Variants in BAIAP2L1 observed in about 807,000 individuals in gnomAD.
BAIAP2L1 encodes the protein BAR/IMD domain containing adaptor protein 2 like 1.
Under a neutral mutation model 66.3 loss-of-function variants are expected in BAIAP2L1, and 35 were observed. The observed-to-expected ratio is 0.53, with a 90% CI of 0.40 to 0.70. The LOEUF (loss-of-function observed/expected upper bound fraction) is 0.70. BAIAP2L1 is among the 30% of genes least tolerant of loss of function. The pLI, the probability that BAIAP2L1 is intolerant of heterozygous loss-of-function variation, is 0.00. For missense variants in BAIAP2L1, 622 were observed against 656.9 expected (o/e 0.95, Z 0.58); for synonymous variants, 269 against 248.7 (o/e 1.08, Z -0.77).
intron 3 of BAIAP2L1, among the ~76,000 whole-genome samples, chr7:98,327,619 G>A (rs1584459817): frequency 6.6e-6 from 1 of 152,224 alleles, no homozygotes; most frequent in East Asian, 1.9e-4. Flanking sequence ...GTTGCAGTGA[G>A]CTGAGATTGC....
chr7:98,364,680 G>T (rs887065408), intron 1 of BAIAP2L1, among the ~76,000 whole-genome samples: 1 of 151,998 alleles, frequency 6.6e-6, no homozygotes, highest in East Asian at 1.9e-4. Flanking sequence ...ATTTTCCTTA[G>T]AATTTTTAAG....
chr7:98,294,263 G>C, intron 12 of BAIAP2L1, 152 bp from the exon 13 acceptor site: 1 of 724,338 alleles, frequency 1.4e-6, no homozygotes, highest in Non-Finnish European at 2.3e-6. Context: ...AATGTGCTGG[G>C]ACTACAGGTG....
intron 1 of BAIAP2L1, among the ~76,000 whole-genome samples, chr7:98,367,413 C>G (rs545954597): frequency 6.6e-6 from 1 of 152,178 alleles, no homozygotes; most frequent in South Asian, 2.1e-4. Flanking sequence ...CTCTGTTGCC[C>G]AGGTTGGAGT....
intron 9 of BAIAP2L1, chr7:98,309,670 T>C (rs1354864069): frequency 1.3e-5 from 2 of 152,248 alleles, no homozygotes; most frequent in Non-Finnish European, 2.9e-5. Flanking sequence ...CTTCACACGC[T>C]GTGGTCCAGG....
At chr7:98,294,509 G>A (rs911122273) in intron 12 of BAIAP2L1, among the ~76,000 whole-genome samples, 10 of 152,208 alleles carry the variant, frequency 6.6e-5, no homozygotes, top group African/African-American at 2.2e-4. Context: ...GATGTCGGGA[G>A]CTCACATGTG....
chr7:98,293,689 C>T, intron 13 of BAIAP2L1, 93 bp from the exon 14 acceptor site: 1 of 1,282,056 alleles, frequency 7.8e-7, no homozygotes, highest in South Asian at 1.2e-5. Flanking sequence ...CCCTGTGAGA[C>T]TGGGCGGCTG....
At chr7:98,392,963 T>C (rs1803082499) in intron 1 of BAIAP2L1, among the ~76,000 whole-genome samples, 1 of 150,878 alleles carries the variant, frequency 6.6e-6, no homozygotes, top group African/African-American at 2.4e-5. Flanking sequence ...CAGCTGATTT[T>C]TATTTATATA....
rs567441734 is a variant in BAIAP2L1, at chr7:98,348,986, C to T, written c.214+6056G>A. Among the ~76,000 whole-genome samples, 5 of 152,344 alleles carry T rather than the reference C, an allele frequency of 3.3e-5. No homozygotes were observed. In the East Asian group the frequency reaches 9.6e-4, roughly 29 times the overall value. On this transcript the variant is annotated intron_variant, in intron 3 of 13. Transcript: ENST00000005260. ...ACTGTCCTGGGTCAAAGGATCTTTC[C>T]CGGACTCGCCTGGGCGGGGTGAGCT...
At chr7:98,389,564 G>A (rs1390899704) in intron 1 of BAIAP2L1, among the ~76,000 whole-genome samples, 3 of 152,050 alleles carry the variant, frequency 2.0e-5, no homozygotes, top group Middle Eastern at 3.4e-3. Flanking sequence ...CAGGTGATCC[G>A]CCCGTGTCAG....
At chr7:98,368,468 G>T (rs2115751056) in intron 1 of BAIAP2L1, among the ~76,000 whole-genome samples, 1 of 151,904 alleles carries the variant, frequency 6.6e-6, no homozygotes, top group South Asian at 2.1e-4. Context: ...CGAGGCGGGT[G>T]GATCACAAGG....
In BAIAP2L1 at chr7:98,348,531, C is replaced by A. The variant is rs566685541; in HGVS notation, c.214+6511G>T. On this transcript the variant is annotated intron_variant, in intron 3 of 13. Transcript: ENST00000005260. ...GCAGTGAGCCGAGATTGCACCACTG[C>A]ACTTCAGCCTGGGCAACAGAGTGAG... Among the ~76,000 whole-genome samples, 8 of 142,868 alleles carry A rather than the reference C, an allele frequency of 5.6e-5. No homozygotes were observed. The South Asian group carries it at 6.6e-4, about 12-fold the overall frequency. The allele number at this position is 142,868 out of a possible 152,430, so 93.7% of individuals were successfully genotyped here.
chr7:98,400,786 C>G lies in BAIAP2L1; in HGVS notation c.51+16G>C. Reference sequence around the variant, plus strand: ...GGAAAGCCCTGACCTCCCTGAGCCCCGGGCCCTGGGCTTACCCGGTAGGTG... The same window carrying G: ...GGAAAGCCCTGACCTCCCTGAGCCCGGGGCCCTGGGCTTACCCGGTAGGTG... On this transcript the variant is annotated intron_variant, in intron 1 of 13. Coordinates refer to ENST00000005260, the MANE Select transcript of BAIAP2L1 (RefSeq NM_018842.5). The G allele has an allele frequency of 6.5e-7, 1 of 1,548,972 alleles. No homozygotes were observed. Among genetic ancestry groups the G allele is most frequent in the African/African-American group, 1.4e-5 (1 of 72,974 alleles).
At chr7:98,299,182 A>T (rs951747425) in intron 12 of BAIAP2L1, among the ~76,000 whole-genome samples, 6 of 150,626 alleles carry the variant, frequency 4.0e-5, no homozygotes, top group Admixed American at 4.0e-4. Context: ...TGCCCAGCTA[A>T]TTTTTTTTGT....
chr7:98,300,883 G>A (rs535024139), intron 12 of BAIAP2L1, among the ~76,000 whole-genome samples: 10 of 152,256 alleles, frequency 6.6e-5, no homozygotes, highest in African/African-American at 2.2e-4. Flanking sequence ...TGTTTTTGCC[G>A]AAGCTCGTGC....
chr7:98,329,370 T>C lies in BAIAP2L1; in HGVS notation c.215-9072A>G, dbSNP rs545172108. On this transcript the variant is annotated intron_variant, in intron 3 of 13. Transcript: ENST00000005260. ...CCTGGCAGAAACTCTTACACCGCAG[T>C]GGAAGAACTGCTGGGGGCTTGGCAT... Among the ~76,000 whole-genome samples, 6 of 152,260 alleles carry C rather than the reference T, an allele frequency of 3.9e-5. No individual in the cohort carries two copies. The East Asian group carries it at 7.7e-4, about 20-fold the overall frequency.
At position 98,292,665 on chromosome 7, in the gene BAIAP2L1, C is replaced by G; in HGVS notation, c.*856G>C. 6.4e-7 allele frequency: 1 copy of G among 1,551,660 alleles called. No individual in the cohort carries two copies. Among genetic ancestry groups the G allele is most frequent in the Non-Finnish European group, 8.7e-7 (1 of 1,146,992 alleles). The stretch of plus-strand genomic sequence containing the variant: ...CACCAGAGGTCATCCTGGCTTTACA[C>G]GTATCCTTTGAGAGTCTGTACCTGA... On this transcript the variant is annotated 3_prime_UTR_variant, in exon 14 of 14. Transcript: ENST00000005260.
At chr7:98,326,926 A>C (rs541506903) in intron 3 of BAIAP2L1, among the ~76,000 whole-genome samples, 27 of 152,364 alleles carry the variant, frequency 1.8e-4, no homozygotes, top group Admixed American at 1.6e-3. Context: ...TTCAATGGAC[A>C]ATCAAAACAA....
intron 1 of BAIAP2L1, among the ~76,000 whole-genome samples, chr7:98,394,579 TAGC>T (rs1457447031): frequency 1.3e-5 from 2 of 152,284 alleles, no homozygotes; most frequent in African/African-American, 2.4e-5. Context: ...GGATGGGAAA[TAGC>T]AGCAGCTGGC....
At chr7:98,353,733 G>A (rs569170848) in intron 3 of BAIAP2L1, among the ~76,000 whole-genome samples, 24 of 147,776 alleles carry the variant, frequency 1.6e-4, no homozygotes, top group African/African-American at 5.5e-4. Context: ...GCTGAGGCAG[G>A]AGGATCACCT....
Sources: allele counts gnomAD v4.1 joint callset (sites outside exome capture counted in the v4.1 genomes callset), GRCh38; gene constraint gnomAD v4.1.1; transcripts MANE v1.5; gene names NCBI Gene and HGNC (gene_info 2026-07-23, HGNC 2026-07-21).